MAP2: variants seen among roughly 807,000 people sequenced by gnomAD.
MAP2 encodes the protein microtubule-associated protein 2.
A neutral mutation model predicts 137.6 loss-of-function variants in MAP2; 14 were observed. That is an observed-to-expected ratio of 0.10 (90% CI 0.07 to 0.16). The LOEUF is 0.16. Among genes scored for constraint, MAP2 ranks in the 10% least tolerant of loss-of-function variants. The pLI, the probability that MAP2 is intolerant of heterozygous loss-of-function variation, is 1.00. For missense variants in MAP2, 2,088 were observed against 2,191.5 expected (o/e 0.95, Z 0.94); for synonymous variants, 786 against 782.3 (o/e 1.00, Z -0.08).
At chr2:209,436,183 T>C (rs1376531375) in intron 1 of MAP2, among the ~76,000 whole-genome samples, 2 of 151,060 alleles carry the variant, frequency 1.3e-5, no homozygotes, top group Non-Finnish European at 3.0e-5. Flanking sequence ...TATGTGTGTA[T>C]ATGTATGTTA....
intron 2 of MAP2, among the ~76,000 whole-genome samples, chr2:209,528,325 G>A (rs1350212994): frequency 2.0e-5 from 3 of 152,112 alleles, no homozygotes; most frequent in Non-Finnish European, 4.4e-5. Flanking sequence ...AACTTCTTTA[G>A]AATGGGAAAT....
chr2:209,512,339 T>A (rs1028596441), intron 2 of MAP2, among the ~76,000 whole-genome samples: 1 of 151,974 alleles, frequency 6.6e-6, no homozygotes, highest in Non-Finnish European at 1.5e-5. Context: ...GAACAATGTC[T>A]GGCATATGGG....
At chr2:209,510,633 A>G (rs1199320490) in intron 2 of MAP2, among the ~76,000 whole-genome samples, 1 of 152,124 alleles carries the variant, frequency 6.6e-6, no homozygotes, top group African/African-American at 2.4e-5. Context: ...AATTTCTCTC[A>G]GTTTGATAAG....
chr2:209,587,879 A>G (rs1336776939), intron 3 of MAP2, among the ~76,000 whole-genome samples: 1 of 152,218 alleles, frequency 6.6e-6, no homozygotes, highest in Non-Finnish European at 1.5e-5. Context: ...CCAAATAGGC[A>G]TGAGCAATGT....
rs1342153746 is a variant in MAP2, at chr2:209,625,135, ACT to A, written c.-30+13_-30+14del. 4.6e-5 allele frequency: 7 copies of A among 152,082 alleles called. No homozygotes were observed. The highest frequency in any genetic ancestry group is 1.7e-4 in the African/African-American group (7 of 41,400). 9.4% of individuals were successfully genotyped at this position (152,082 alleles called of 1,614,324 possible). A position where few individuals can be genotyped will look rare whatever the true frequency, so the allele number is the denominator to read the frequency against. On this transcript the variant is annotated splice_region_variant and intron_variant, in intron 4 of 15. Transcript: ENST00000682079. ...TTTACCACTTCCTTGAATAGGTAAG[ACT>A]CTCTCTACTCTGAAAGAGTTACCTA...
intron 5 of MAP2, among the ~76,000 whole-genome samples, chr2:209,655,207 A>G (rs534710086): frequency 4.3e-4 from 65 of 152,352 alleles, no homozygotes; most frequent in African/African-American, 1.5e-3. Context: ...AGTTCATTTT[A>G]AATTCAGCTC....
At chr2:209,567,960 T>G (rs2073780578) in intron 2 of MAP2, among the ~76,000 whole-genome samples, 1 of 152,078 alleles carries the variant, frequency 6.6e-6, no homozygotes, top group African/African-American at 2.4e-5. Flanking sequence ...ACTAGGGATT[T>G]GATATTCATC....
chr2:209,695,884 G>T lies in MAP2; in HGVS notation c.3714G>T (p.Glu1238Asp). The change falls in exon 8 of 16, where the codon GAG becomes GAT. Residue 1238 changes from glutamate (E) to aspartate (D), a missense_variant. Around this residue, in one of 6 missense-constraint regions of MAP2, gnomAD observed 591 missense variants for 642.6 expected, o/e 0.92. Coordinates refer to ENST00000682079, the MANE Select transcript of MAP2 (RefSeq NM_001375505.1). The part of the protein sequence containing the change: ...EPAEIQSEEE[E>D]IEAQGEYDKL... ...CAGAGATTCAGAGTGAGGAAGAAGAGATAGAAGCCCAGGGAGAATATGATA... is the reference window on the plus strand; with the variant it reads ...CAGAGATTCAGAGTGAGGAAGAAGATATAGAAGCCCAGGGAGAATATGATA... 1 of 1,614,108 alleles carries T rather than the reference G, an allele frequency of 6.2e-7. No homozygotes were observed.
chr2:209,628,922 T>G (rs1246675681), intron 4 of MAP2, among the ~76,000 whole-genome samples: 1 of 152,160 alleles, frequency 6.6e-6, no homozygotes, highest in Non-Finnish European at 1.5e-5. Flanking sequence ...CAGAGTACCT[T>G]TAATGCAGAA....
intron 3 of MAP2, among the ~76,000 whole-genome samples, chr2:209,623,354 A>T (rs2091655623): frequency 6.6e-6 from 1 of 151,982 alleles, no homozygotes; most frequent in South Asian, 2.1e-4. Context: ...TATAAAATTC[A>T]TTTTTTTTCT....
chr2:209,543,901 G>A (rs942928936), intron 2 of MAP2, among the ~76,000 whole-genome samples: 1 of 152,202 alleles, frequency 6.6e-6, no homozygotes. Flanking sequence ...CTCTCTAAAA[G>A]TTTTCGTTCT....
intron 7 of MAP2, among the ~76,000 whole-genome samples, chr2:209,686,448 AT>A (rs1277007821): frequency 1.3e-5 from 2 of 152,216 alleles, no homozygotes; most frequent in Non-Finnish European, 2.9e-5. Context: ...TAATGCTATA[AT>A]TTTGTCTTCT....
intron 4 of MAP2, among the ~76,000 whole-genome samples, chr2:209,637,057 G>A (rs2093628838): frequency 6.6e-6 from 1 of 152,136 alleles, no homozygotes. Context: ...CCAAATGAAA[G>A]CTCAGAACCT....
At chr2:209,593,898 A>T (rs866946575) in intron 3 of MAP2, among the ~76,000 whole-genome samples, 461 of 16,202 alleles carry the variant, frequency 0.028, 8 homozygotes, top group African/African-American at 0.047. Flanking sequence ...TATTATTAAA[A>T]TATATAAGTA....
intron 2 of MAP2, among the ~76,000 whole-genome samples, chr2:209,544,569 A>G (rs2067669997): frequency 6.6e-6 from 1 of 152,220 alleles, no homozygotes; most frequent in Non-Finnish European, 1.5e-5. Context: ...GAAGGATGTA[A>G]CCTTGAGCAA....
intron 5 of MAP2, among the ~76,000 whole-genome samples, chr2:209,668,871 G>T (rs1290770955): frequency 6.6e-6 from 1 of 151,920 alleles, no homozygotes; most frequent in Non-Finnish European, 1.5e-5. Flanking sequence ...TCTTAAGTAG[G>T]TATTTCAGTT....
intron 1 of MAP2, among the ~76,000 whole-genome samples, chr2:209,498,735 C>T (rs1352496073): frequency 6.6e-6 from 1 of 152,226 alleles, no homozygotes; most frequent in East Asian, 1.9e-4. Flanking sequence ...ATGACAGTGT[C>T]TGGGGTCCTT....
chr2:209,595,173 A>G (rs569309001), intron 3 of MAP2, among the ~76,000 whole-genome samples: 1 of 152,004 alleles, frequency 6.6e-6, no homozygotes, highest in Admixed American at 6.5e-5. Context: ...ACTCTCAGCT[A>G]AGTAAAAATA....
At position 209,705,666 on chromosome 2, in the gene MAP2, C is replaced by G. The variant is rs949821510; in HGVS notation, c.4671C>G (p.Asp1557Glu). ...CTCCTCGGCGAGGTGTGTCAGGAGA[C>G]AGAGATGAGAATTCCTTCTCTCTCA... ...ILPPRRGVSGDRDENSFSLNS... is the reference protein window; with the variant it reads ...ILPPRRGVSGERDENSFSLNS... The change falls in exon 12 of 16, where the codon GAC (aspartate) becomes GAG (glutamate). Residue 1557 changes from aspartate to glutamate, a missense_variant. Coordinates refer to ENST00000682079, the MANE Select transcript of MAP2 (RefSeq NM_001375505.1). 5 of 1,613,122 alleles carry G rather than the reference C, an allele frequency of 3.1e-6. No individual in the cohort carries two copies. Among genetic ancestry groups the G allele is most frequent in the Non-Finnish European group, 2.5e-6 (3 of 1,179,348 alleles).
Sources: gnomAD v4.1 joint callset for allele counts (sites outside exome capture counted in the v4.1 genomes callset) on GRCh38, gnomAD v4.1.1 for gene constraint, gnomAD v4.1.1 regional missense constraint, MANE v1.5 for transcripts, NCBI Gene and HGNC (gene_info 2026-07-23, HGNC 2026-07-21) for gene names.